PREX2: variants seen among roughly 807,000 people sequenced by gnomAD.
PREX2 encodes the protein phosphatidylinositol 3,4,5-trisphosphate-dependent Rac exchanger 2 protein.
A neutral mutation model predicts 203.2 loss-of-function variants in PREX2; 107 were observed. The observed-to-expected ratio is 0.53, with a 90% CI of 0.45 to 0.62. The LOEUF (loss-of-function observed/expected upper bound fraction) is 0.62, where lower values mean the gene tolerates loss of function less well. Ranked by LOEUF, PREX2 falls within the 20% of genes least tolerant of loss-of-function variation. PREX2 has a pLI of 0.00. For synonymous variants in PREX2, 672 were observed against 663.6 expected (o/e 1.01, Z -0.19); for missense variants, 1,777 against 1,955.9 (o/e 0.91, Z 1.72).
chr8:68,155,259 G>A (rs1334236561), intron 34 of PREX2, among the ~76,000 whole-genome samples: 1 of 152,132 alleles, frequency 6.6e-6, no homozygotes, highest in Non-Finnish European at 1.5e-5. Flanking sequence ...CTTCCCAGAA[G>A]CCATAAGAAA....
chr8:68,105,297 C>T, intron 23 of PREX2: 1 of 1,367,742 alleles, frequency 7.3e-7, no homozygotes, highest in Non-Finnish European at 9.8e-7. Flanking sequence ...GGATGGAAGA[C>T]AGCACTGCAT....
At chr8:68,219,136 A>G (rs1234088625) in intron 38 of PREX2, among the ~76,000 whole-genome samples, 3 of 152,140 alleles carry the variant, frequency 2.0e-5, no homozygotes, top group Admixed American at 2.0e-4. Context: ...TCTCAAAATT[A>G]TAGCTTATAA....
intron 1 of PREX2, among the ~76,000 whole-genome samples, chr8:67,975,488 CTTTTT>C (rs1256344049): frequency 6.6e-6 from 1 of 151,512 alleles, no homozygotes; most frequent in African/African-American, 2.4e-5. Context: ...TACTATGTAT[CTTTTT>C]TTATTGCCTA....
chr8:67,981,207 A>G (rs1806259750), intron 1 of PREX2, among the ~76,000 whole-genome samples: 1 of 152,190 alleles, frequency 6.6e-6, no homozygotes, highest in African/African-American at 2.4e-5. Flanking sequence ...GCCTTATGAC[A>G]TTGATAAAAG....
intron 4 of PREX2, among the ~76,000 whole-genome samples, chr8:68,025,365 C>T (rs1478867945): frequency 1.3e-5 from 2 of 151,872 alleles, no homozygotes; most frequent in Non-Finnish European, 2.9e-5. Flanking sequence ...GATAAGGCAT[C>T]TGCTATAATT....
intron 1 of PREX2, among the ~76,000 whole-genome samples, chr8:68,011,691 A>C (rs775580133): frequency 6.6e-6 from 1 of 152,064 alleles, no homozygotes; most frequent in Non-Finnish European, 1.5e-5. Flanking sequence ...TTAACCACAT[A>C]GTGTTGTGTT....
At chr8:68,053,623 A>G (rs1200015481) in intron 9 of PREX2, among the ~76,000 whole-genome samples, 1 of 152,168 alleles carries the variant, frequency 6.6e-6, no homozygotes, top group South Asian at 2.1e-4. Flanking sequence ...ATTTTTCTTT[A>G]AGTGACAAGC....
chr8:68,157,356 C>A lies in PREX2; in HGVS notation c.4266C>A (p.Asp1422Glu). 1 of 1,611,704 alleles carries A rather than the reference C, an allele frequency of 6.2e-7. No homozygotes were observed. Among genetic ancestry groups the A allele is most frequent in the Non-Finnish European group, 8.5e-7 (1 of 1,178,122 alleles). Residue 1422 changes from aspartate to glutamate, a missense_variant, in exon 35 of 40, where the codon GAC (aspartate) becomes GAA (glutamate). Coordinates refer to ENST00000288368, the MANE Select transcript of PREX2 (RefSeq NM_024870.4). ...GCATGGAAGGATATTATTACAGAGA[C>A]AATGTTTCTGTGGAAGAATTTCAAG... ...LESMEGYYYRDNVSVEEFQAQ... is the reference protein window; with the variant it reads ...LESMEGYYYRENVSVEEFQAQ...
At chr8:68,119,064 A>T (rs7015786) in intron 27 of PREX2, among the ~76,000 whole-genome samples, 39,481 of 152,106 alleles carry the variant, frequency 0.26, 5,248 homozygotes, top group South Asian at 0.35. Flanking sequence ...AGAGAAACAG[A>T]TTGATATAAT....
chr8:68,090,748 T>C (rs200874312), intron 20 of PREX2, 33 bp downstream of exon 20: 16 of 1,585,814 alleles, frequency 1.0e-5, no homozygotes, highest in Non-Finnish European at 1.3e-5. Flanking sequence ...TGGATCTGAG[T>C]GACTACTTGC....
intron 1 of PREX2, among the ~76,000 whole-genome samples, chr8:67,971,278 C>A (rs890017282): frequency 6.6e-6 from 1 of 151,992 alleles, no homozygotes; most frequent in East Asian, 1.9e-4. Context: ...ACAGGTGAGA[C>A]CTGAGAGAGA....
At chr8:67,973,171 C>T (rs368961490) in intron 1 of PREX2, among the ~76,000 whole-genome samples, 12 of 152,142 alleles carry the variant, frequency 7.9e-5, no homozygotes, top group African/African-American at 2.4e-4. Flanking sequence ...AGGGGTGATA[C>T]GGCAATAAAA....
intron 35 of PREX2, among the ~76,000 whole-genome samples, chr8:68,185,721 C>A (rs1196039026): frequency 8.1e-6 from 1 of 122,814 alleles, no homozygotes; most frequent in Admixed American, 7.8e-5. Flanking sequence ...CCTATAGGGA[C>A]TAAATGAAAG....
At chr8:68,146,074 C>G (rs1463408312) in intron 33 of PREX2, 135 bp from the exon 34 acceptor site, 47 of 606,500 alleles carry the variant, frequency 7.7e-5, no homozygotes, top group Non-Finnish European at 8.7e-5. Flanking sequence ...TATGTCGAAT[C>G]CCAACTTGAT....
At chr8:68,136,466 C>T (rs1811114719) in intron 32 of PREX2, among the ~76,000 whole-genome samples, 1 of 152,168 alleles carries the variant, frequency 6.6e-6, no homozygotes. Context: ...CCCCTGAGTG[C>T]GAGGCACAGC....
chr8:67,966,520 G>A (rs1314786289), intron 1 of PREX2, among the ~76,000 whole-genome samples: 1 of 151,834 alleles, frequency 6.6e-6, no homozygotes, highest in African/African-American at 2.4e-5. Context: ...GGCAGAGCTT[G>A]GAAGGCTGAA....
chr8:68,061,978 A>G (rs900466790), intron 11 of PREX2, among the ~76,000 whole-genome samples: 15 of 152,180 alleles, frequency 9.9e-5, no homozygotes, highest in African/African-American at 3.4e-4. Context: ...ATTAATAAAT[A>G]TGGATGTTTG....
intron 35 of PREX2, among the ~76,000 whole-genome samples, chr8:68,163,245 C>G (rs999625706): frequency 1.3e-5 from 2 of 152,162 alleles, no homozygotes; most frequent in East Asian, 1.9e-4. Context: ...ATAAAACTCT[C>G]TAGTTTAAAA....
intron 34 of PREX2, among the ~76,000 whole-genome samples, chr8:68,152,289 G>GAAAAAAAAAAAA (rs573525316): frequency 2.7e-5 from 2 of 72,918 alleles, no homozygotes; most frequent in Non-Finnish European, 4.8e-5. Context: ...CCCTCTCAGA[G>GAAAAAAAAAAAA]AAAAAAAAAA....
Sources: gnomAD v4.1 joint callset for allele counts (sites outside exome capture counted in the v4.1 genomes callset) on GRCh38, gnomAD v4.1.1 for gene constraint, MANE v1.5 for transcripts, NCBI Gene and HGNC (gene_info 2026-07-23, HGNC 2026-07-21) for gene names.